The following KCNIP4 variants were observed in gnomAD, a reference collection of about 807,000 sequenced individuals.
KCNIP4 encodes the protein Kv channel-interacting protein 4.
In KCNIP4, 12 loss-of-function variants were observed where a neutral mutation model predicts 34.0. That is an observed-to-expected ratio of 0.35 (90% CI 0.23 to 0.57). The LOEUF is 0.57. KCNIP4 is among the 20% of genes least tolerant of loss of function. KCNIP4 has a pLI of 0.83. For missense variants in KCNIP4, 238 were observed against 311.7 expected (o/e 0.76, Z 1.78); for synonymous variants, 124 against 102.2 (o/e 1.21, Z -1.29).
intron 1 of KCNIP4, among the ~76,000 whole-genome samples, chr4:21,109,312 C>A (rs1397848969): frequency 6.6e-6 from 1 of 152,252 alleles, no homozygotes; most frequent in Non-Finnish European, 1.5e-5. Flanking sequence ...ATGGCAGGCG[C>A]CCCTCCCCCA....
At chr4:21,428,930 T>G (rs1332629522) in intron 1 of KCNIP4, among the ~76,000 whole-genome samples, 1 of 152,164 alleles carries the variant, frequency 6.6e-6, no homozygotes, top group African/African-American at 2.4e-5. Flanking sequence ...ATCAATATCT[T>G]ATACCACAAT....
At chr4:21,804,517 C>A (rs1186689542) in intron 1 of KCNIP4, among the ~76,000 whole-genome samples, 1 of 152,172 alleles carries the variant, frequency 6.6e-6, no homozygotes, top group Non-Finnish European at 1.5e-5. Flanking sequence ...TTGTAGAAGT[C>A]ATTCATCAAA....
intron 1 of KCNIP4, among the ~76,000 whole-genome samples, chr4:21,913,577 C>CCA (rs1728460715): frequency 1.3e-5 from 2 of 152,146 alleles, no homozygotes; most frequent in East Asian, 1.9e-4. Flanking sequence ...TTTGTTATAG[C>CCA]CACACAGACA....
intron 2 of KCNIP4, among the ~76,000 whole-genome samples, chr4:20,872,829 GA>G (rs1424469434): frequency 6.6e-6 from 1 of 151,960 alleles, no homozygotes. Context: ...TAGGTAACCT[GA>G]AAAAAACAAA....
intron 1 of KCNIP4, among the ~76,000 whole-genome samples, chr4:21,293,286 G>A (rs1002627144): frequency 2.6e-5 from 4 of 152,154 alleles, no homozygotes; most frequent in African/African-American, 9.7e-5. Context: ...GCTCAAAGGA[G>A]TCAAGTATGT....
chr4:20,887,881 C>G (rs183787446), intron 1 of KCNIP4, among the ~76,000 whole-genome samples: 1 of 151,198 alleles, frequency 6.6e-6, no homozygotes, highest in Admixed American at 6.6e-5. Flanking sequence ...TTTAAAACAG[C>G]AAAAAAGTAT....
chr4:21,115,803 C>G (rs930673963), intron 1 of KCNIP4, among the ~76,000 whole-genome samples: 2 of 152,112 alleles, frequency 1.3e-5, no homozygotes, highest in African/African-American at 4.8e-5. Context: ...GTATTACATT[C>G]TATTGGAATG....
At chr4:21,736,759 C>T (rs1317110436) in intron 1 of KCNIP4, among the ~76,000 whole-genome samples, 3 of 152,094 alleles carry the variant, frequency 2.0e-5, no homozygotes, top group East Asian at 3.9e-4. Context: ...TTATATATTT[C>T]TTATTTAGAT....
At chr4:21,321,919 A>AG (rs1334725272) in intron 1 of KCNIP4, among the ~76,000 whole-genome samples, 1 of 134,528 alleles carries the variant, frequency 7.4e-6, no homozygotes, top group African/African-American at 2.8e-5. Flanking sequence ...GAAGGAAGGA[A>AG]GGAAAAAGGT....
At chr4:21,171,568 G>T (rs1252601047) in intron 1 of KCNIP4, among the ~76,000 whole-genome samples, 1 of 152,174 alleles carries the variant, frequency 6.6e-6, no homozygotes, top group East Asian at 1.9e-4. Context: ...ATTTCACTCA[G>T]AATCCCTCTG....
intron 3 of KCNIP4, among the ~76,000 whole-genome samples, chr4:20,827,393 GCA>G (rs1287779005): frequency 2.0e-5 from 3 of 152,140 alleles, no homozygotes; most frequent in Admixed American, 2.0e-4. Context: ...ACATGGGAAT[GCA>G]CGTCTCTCTG....
At chr4:21,735,089 A>G (rs907573819) in intron 1 of KCNIP4, among the ~76,000 whole-genome samples, 1 of 152,078 alleles carries the variant, frequency 6.6e-6, no homozygotes, top group Admixed American at 6.6e-5. Flanking sequence ...CAACAGTGAG[A>G]TAACATCCTT....
intron 5 of KCNIP4, among the ~76,000 whole-genome samples, chr4:20,745,619 A>C (rs1199014383): frequency 6.6e-6 from 1 of 152,214 alleles, no homozygotes; most frequent in African/African-American, 2.4e-5. Context: ...AAAAATGATA[A>C]AGGGGTGGAG....
At chr4:20,853,807 C>T (rs10938812) in intron 2 of KCNIP4, among the ~76,000 whole-genome samples, 53,162 of 151,766 alleles carry the variant, frequency 0.35, 10,355 homozygotes, top group Admixed American at 0.45. Flanking sequence ...AGAAAAAAAC[C>T]AACAATCCCA....
chr4:21,201,930 C>G lies in KCNIP4; in HGVS notation c.62-319221G>C, dbSNP rs549356411. ...GCTATTCATAACTATATCCCATCAC[C>G]CATCATAATTTTATAAGGTAGGTAA... On this transcript the variant is annotated intron_variant, in intron 1 of 8. Coordinates refer to ENST00000382152, the MANE Select transcript of KCNIP4 (RefSeq NM_025221.6). Among the ~76,000 whole-genome samples, 4 of 152,260 alleles carry G rather than the reference C, an allele frequency of 2.6e-5. 1 individual carries two copies. The South Asian group carries it at 8.3e-4, about 32-fold the overall frequency.
At chr4:21,463,779 A>G (rs558303488) in intron 1 of KCNIP4, among the ~76,000 whole-genome samples, 1 of 152,186 alleles carries the variant, frequency 6.6e-6, no homozygotes, top group East Asian at 1.9e-4. Context: ...TTTGTAAAGA[A>G]TTATTACTAA....
intron 1 of KCNIP4, among the ~76,000 whole-genome samples, chr4:21,573,490 C>T (rs1005108497): frequency 3.3e-5 from 5 of 151,996 alleles, no homozygotes; most frequent in Non-Finnish European, 7.4e-5. Context: ...CTTATTAATT[C>T]TGTTCTCGTT....
intron 1 of KCNIP4, among the ~76,000 whole-genome samples, chr4:21,902,167 T>C (rs1727740696): frequency 6.6e-6 from 1 of 152,116 alleles, no homozygotes; most frequent in Admixed American, 6.6e-5. Context: ...TGAACAGAAG[T>C]GATGCCTGTT....
At chr4:21,743,168 T>C (rs1394782537) in intron 1 of KCNIP4, among the ~76,000 whole-genome samples, 1 of 152,178 alleles carries the variant, frequency 6.6e-6, no homozygotes, top group Non-Finnish European at 1.5e-5. Flanking sequence ...CCTAAACTTA[T>C]TTTCTCACAG....
Sources: allele counts gnomAD v4.1 joint callset (sites outside exome capture counted in the v4.1 genomes callset), GRCh38; gene constraint gnomAD v4.1.1; transcripts MANE v1.5; gene names NCBI Gene and HGNC (gene_info 2026-07-23, HGNC 2026-07-21).